The following PCDH7 variants were observed in gnomAD, a reference collection of about 807,000 sequenced individuals.
The protein encoded by PCDH7 is protocadherin-7.
A neutral mutation model predicts 58.9 loss-of-function variants in PCDH7; 17 were observed. The observed-to-expected ratio is 0.29, with a 90% confidence interval of 0.20 to 0.43. PCDH7 has a LOEUF of 0.43. Ranked by LOEUF, PCDH7 falls within the 20% of genes least tolerant of loss-of-function variation. The pLI is 1.00. For missense variants in PCDH7, 1,274 were observed against 1,441.0 expected (o/e 0.88, Z 1.88); for synonymous variants, 664 against 616.4 (o/e 1.08, Z -1.14).
chr4:31,048,999 A>G (rs554313476), intron 3 of PCDH7, among the ~76,000 whole-genome samples: 2 of 152,260 alleles, frequency 1.3e-5, no homozygotes, highest in Non-Finnish European at 1.5e-5. Context: ...ATCATTTAAA[A>G]GTAATTTTTT....
At chr4:31,072,993 C>T (rs566482588) in intron 3 of PCDH7, among the ~76,000 whole-genome samples, 1 of 152,116 alleles carries the variant, frequency 6.6e-6, no homozygotes, top group African/African-American at 2.4e-5. Context: ...AACACATGTC[C>T]CAGCTAAATC....
intron 1 of PCDH7, among the ~76,000 whole-genome samples, chr4:30,778,626 T>C (rs1163414524): frequency 6.6e-6 from 1 of 152,186 alleles, no homozygotes; most frequent in African/African-American, 2.4e-5. Context: ...AACACATTTT[T>C]GCTGGGATTT....
At chr4:31,053,053 C>T (rs563321459) in intron 3 of PCDH7, among the ~76,000 whole-genome samples, 1 of 151,994 alleles carries the variant, frequency 6.6e-6, no homozygotes, top group African/African-American at 2.4e-5. Context: ...AATCAGATGC[C>T]AGATTCCTCT....
At chr4:30,937,260 A>G (rs984038437) in intron 2 of PCDH7, among the ~76,000 whole-genome samples, 1 of 152,152 alleles carries the variant, frequency 6.6e-6, no homozygotes, top group African/African-American at 2.4e-5. Flanking sequence ...GTGTAAACTC[A>G]GATTTTTCCT....
intron 1 of PCDH7, among the ~76,000 whole-genome samples, chr4:30,809,033 T>C (rs1726630440): frequency 6.6e-6 from 1 of 152,226 alleles, no homozygotes; most frequent in Admixed American, 6.5e-5. Context: ...TATGAAATAT[T>C]TGTATTTGTG....
At chr4:30,843,905 G>A (rs561385191) in intron 1 of PCDH7, among the ~76,000 whole-genome samples, 1 of 151,324 alleles carries the variant, frequency 6.6e-6, no homozygotes, top group East Asian at 1.9e-4. Context: ...TTCTCTGTGG[G>A]TTTCACTGGT....
chr4:30,868,766 A>C (rs528113491), intron 1 of PCDH7, among the ~76,000 whole-genome samples: 23 of 152,150 alleles, frequency 1.5e-4, no homozygotes, highest in African/African-American at 4.6e-4. Flanking sequence ...AGCCCATCCA[A>C]AGTAAAGCTG....
chr4:30,772,146 A>C (rs1244663886), intron 1 of PCDH7, among the ~76,000 whole-genome samples: 2 of 152,188 alleles, frequency 1.3e-5, no homozygotes, highest in African/African-American at 4.8e-5. Context: ...CTGGGATTAC[A>C]GGCGTGAGCC....
chr4:30,818,620 G>C (rs1727984016), intron 1 of PCDH7, among the ~76,000 whole-genome samples: 1 of 152,096 alleles, frequency 6.6e-6, no homozygotes, highest in Admixed American at 6.5e-5. Flanking sequence ...CCATAGAACT[G>C]GAAAATCAGG....
chr4:30,968,354 ACACAC>A (rs1749203646), intron 3 of PCDH7, among the ~76,000 whole-genome samples: 4 of 26,798 alleles, frequency 1.5e-4, no homozygotes, highest in African/African-American at 1.4e-3. Flanking sequence ...ATATATATAC[ACACAC>A]TATATATATA....
chr4:30,984,051 T>G (rs1006342365), intron 3 of PCDH7, among the ~76,000 whole-genome samples: 1 of 152,206 alleles, frequency 6.6e-6, no homozygotes, highest in East Asian at 1.9e-4. Flanking sequence ...AAGAAACAAC[T>G]GTGTTCATGT....
At chr4:30,947,163 C>T (rs1209405689) in intron 2 of PCDH7, among the ~76,000 whole-genome samples, 1 of 152,102 alleles carries the variant, frequency 6.6e-6, no homozygotes. Context: ...TGTACTTCTA[C>T]CATGATCATA....
chr4:30,840,029 A>AGTGTGT (rs10687813), intron 1 of PCDH7, among the ~76,000 whole-genome samples: 220 of 148,630 alleles, frequency 1.5e-3, no homozygotes, highest in African/African-American at 4.5e-3. Context: ...AATGATGATG[A>AGTGTGT]GTGTGTGTGT....
intron 1 of PCDH7, among the ~76,000 whole-genome samples, chr4:30,790,385 T>A (rs1723961384): frequency 6.6e-6 from 1 of 152,184 alleles, no homozygotes; most frequent in Non-Finnish European, 1.5e-5. Flanking sequence ...GAAGTGGAAC[T>A]GGACTTTGAG....
chr4:30,955,232 G>A (rs1747728289), intron 3 of PCDH7, among the ~76,000 whole-genome samples: 1 of 152,036 alleles, frequency 6.6e-6, no homozygotes, highest in African/African-American at 2.4e-5. Flanking sequence ...AGCCTCTTTA[G>A]ATACTTAGAA....
At chr4:31,011,460 T>C (rs567453877) in intron 3 of PCDH7, among the ~76,000 whole-genome samples, 1 of 152,142 alleles carries the variant, frequency 6.6e-6, no homozygotes, top group African/African-American at 2.4e-5. Context: ...TAATGGATAC[T>C]TGTAATAGAT....
chr4:30,933,413 G>C (rs1050503234), intron 2 of PCDH7, among the ~76,000 whole-genome samples: 1 of 152,088 alleles, frequency 6.6e-6, no homozygotes, highest in African/African-American at 2.4e-5. Context: ...CATTGCTTTT[G>C]CTCCCTAGAT....
At chr4:30,789,415 T>C (rs906691963) in intron 1 of PCDH7, among the ~76,000 whole-genome samples, 6 of 152,202 alleles carry the variant, frequency 3.9e-5, no homozygotes, top group Non-Finnish European at 8.8e-5. Context: ...CTCTTTCATC[T>C]AATAGTAACT....
chr4:30,897,282 G>T (rs1031407084), intron 1 of PCDH7, among the ~76,000 whole-genome samples: 2 of 152,070 alleles, frequency 1.3e-5, no homozygotes, highest in African/African-American at 4.8e-5. Flanking sequence ...AAAGTGCTTC[G>T]AAGATACGAG....
Sources: gnomAD v4.1 joint callset for allele counts (sites outside exome capture counted in the v4.1 genomes callset) on GRCh38, gnomAD v4.1.1 for gene constraint, MANE v1.5 for transcripts, NCBI Gene and HGNC (gene_info 2026-07-23, HGNC 2026-07-21) for gene names.